ZNF549: variants seen among roughly 807,000 people sequenced by gnomAD.
ZNF549 encodes zinc finger protein 549.
In ZNF549, 11 loss-of-function variants were observed where a neutral mutation model predicts 11.1. The observed-to-expected ratio is 0.99, with a 90% CI of 0.62 to 1.64. ZNF549 has a LOEUF of 1.64. Ranked by LOEUF, ZNF549 falls within the 40% of genes most tolerant of loss-of-function variation. The pLI is 0.00. For synonymous variants in ZNF549, 266 were observed against 269.1 expected (o/e 0.99, Z 0.11); for missense variants, 748 against 765.1 (o/e 0.98, Z 0.26).
chr19:57,533,185 G>A (rs1015169877), intron 2 of ZNF549, among the ~76,000 whole-genome samples: 1 of 152,196 alleles, frequency 6.6e-6, no homozygotes, highest in African/African-American at 2.4e-5. Context: ...CTTTAATAAT[G>A]TGGTGGTGAG....
In ZNF549 at chr19:57,535,284, A is replaced by C. The variant is rs149610232; in HGVS notation, c.199+14A>C. 2.0e-5 allele frequency: 33 copies of C among 1,612,004 alleles called. No homozygotes were observed. In the African/African-American group the frequency reaches 3.6e-4, roughly 18 times the overall value. On this transcript the variant is annotated intron_variant, in intron 3 of 3. Transcript: ENST00000376233. Reference sequence around the variant, plus strand: ...TGGCCTCAGTAGGTAAGATCTCTTAAAACCACACCATCAACCTCTGCTGGA... The same window carrying C: ...TGGCCTCAGTAGGTAAGATCTCTTACAACCACACCATCAACCTCTGCTGGA...
At chr19:57,536,207 G>A (rs564497397) in intron 3 of ZNF549, among the ~76,000 whole-genome samples, 18 of 152,210 alleles carry the variant, frequency 1.2e-4, no homozygotes, top group Middle Eastern at 6.8e-3. Context: ...TCCTCAGCTC[G>A]TGATGGGGTT....
chr19:57,535,037 T>A, intron 2 of ZNF549, 107 bp from the exon 3 acceptor site: 1 of 1,434,640 alleles, frequency 7.0e-7, no homozygotes, highest in Non-Finnish European at 9.5e-7. Context: ...GGAGACACCA[T>A]AAGGACCTGG....
In ZNF549 at chr19:57,527,391, C is replaced by T; in HGVS notation, c.-183C>T. ...CCTGCGAGCGCGTCCGCGGGCTGGGCGTTTCCGGCTCGCTGGGTCCGGGCC... is the reference window on the plus strand; with the variant it reads ...CCTGCGAGCGCGTCCGCGGGCTGGGTGTTTCCGGCTCGCTGGGTCCGGGCC... On this transcript the variant is annotated 5_prime_UTR_variant, in exon 1 of 4. Coordinates refer to ENST00000376233, the MANE Select transcript of ZNF549 (RefSeq NM_001199295.2). The T allele has an allele frequency of 2.5e-6, 2 of 807,868 alleles. No homozygotes were observed. Among genetic ancestry groups the T allele is most frequent in the Non-Finnish European group, 4.0e-6 (2 of 501,508 alleles). 50.0% of individuals were successfully genotyped at this position (807,868 alleles called of 1,614,324 possible).
Position 57,538,772 on chromosome 19 carries a change from T to G in ZNF549, c.1768T>G (p.Cys590Gly), listed in dbSNP as rs201452898. The change falls in exon 4 of 4, where the codon TGT (cysteine) becomes GGT (glycine). Residue 590 changes from cysteine to glycine, a missense_variant. Physicochemically the swap from Cys to Gly is radical, Grantham distance 159. Coordinates refer to ENST00000376233, the MANE Select transcript of ZNF549 (RefSeq NM_001199295.2). The stretch of plus-strand genomic sequence containing the variant: ...AGAGAGGCCTTATAACTGCACTGCA[T>G]GTGAGAAGGCCTTTATCTATAAAAA... ...SGERPYNCTA[C>G]EKAFIYKNKL... The G allele has an allele frequency of 1.5e-5, 24 of 1,614,216 alleles. No individual in the cohort carries two copies. Among genetic ancestry groups the G allele is most frequent in the Non-Finnish European group, 1.7e-5 (20 of 1,180,038 alleles).
rs913170078 is a variant in ZNF549 at position 57,540,113 on chromosome 19, A to G, written c.*1186A>G. The G allele has an allele frequency of 2.0e-5, 3 of 152,362 alleles. No homozygotes were observed. Among genetic ancestry groups the G allele is most frequent in the South Asian group, 4.1e-4 (2 of 4,828 alleles). The allele number at this position is 152,362 out of a possible 1,614,324, so 9.4% of individuals were successfully genotyped here. A position where few individuals can be genotyped will look rare whatever the true frequency, so the allele number is the denominator to read the frequency against. Reference sequence around the variant, plus strand: ...GCAGGAAAGCAGGATTTGAGAGAACATACACCTTGCCTTCCAGATATGTGG... The same window carrying G: ...GCAGGAAAGCAGGATTTGAGAGAACGTACACCTTGCCTTCCAGATATGTGG... On this transcript the variant is annotated 3_prime_UTR_variant, in exon 4 of 4. Transcript: ENST00000376233.
intron 1 of ZNF549, 30 bp from the exon 2 acceptor site, chr19:57,531,040 C>T: frequency 6.3e-7 from 1 of 1,597,496 alleles, no homozygotes. Context: ...CCTTGAACAC[C>T]TGTATTTCAT....
chr19:57,537,662 A>G lies in ZNF549; in HGVS notation c.658A>G (p.Arg220Gly). The G allele has an allele frequency of 6.2e-6, 10 of 1,614,218 alleles. No individual in the cohort carries two copies. The highest frequency in any genetic ancestry group is 8.5e-6 in the Non-Finnish European group (10 of 1,180,028). ...TAGAAGCAGGGAGACCTTTCAACAAAGACGTTACAAATGTGAGCAAGTTTT... is the reference window on the plus strand; with the variant it reads ...TAGAAGCAGGGAGACCTTTCAACAAGGACGTTACAAATGTGAGCAAGTTTT... ...AHRSRETFQQ[R>G]RYKCEQVFNE... is the part of the protein sequence containing the mutation. Residue 220 changes from arginine (R) to glycine (G), a missense_variant, in exon 4 of 4, where the codon AGA (arginine) becomes GGA (glycine). By Grantham distance (125) the Arg-to-Gly change is moderately radical. Coordinates refer to ENST00000376233, the MANE Select transcript of ZNF549 (RefSeq NM_001199295.2).
At position 57,540,685 on chromosome 19, in the gene ZNF549, G is replaced by C. The variant is rs2089952357; in HGVS notation, c.*1758G>C. ...TGAGGCAGGAGAATTGCTTGAACCTGGGGGGCGGAGGTTGCAATGAGCCAA... is the reference window on the plus strand; with the variant it reads ...TGAGGCAGGAGAATTGCTTGAACCTCGGGGGCGGAGGTTGCAATGAGCCAA... On this transcript the variant is annotated 3_prime_UTR_variant, in exon 4 of 4. Transcript: ENST00000376233. 1 of 152,120 alleles carries C rather than the reference G, an allele frequency of 6.6e-6. No individual in the cohort carries two copies. The highest frequency in any genetic ancestry group is 2.4e-5 in the African/African-American group (1 of 41,392). 9.4% of individuals were successfully genotyped at this position (152,120 alleles called of 1,614,324 possible). A position where few individuals can be genotyped will look rare whatever the true frequency, so the allele number is the denominator to read the frequency against.
In ZNF549 at chr19:57,527,362, G is replaced by T; in HGVS notation, c.-212G>T. On this transcript the variant is annotated 5_prime_UTR_variant, in exon 1 of 4. Transcript: ENST00000376233. ...CGTCTTTCCGGTGGTGGTCGTTTTTGCTGCCTGCGAGCGCGTCCGCGGGCT... is the reference window on the plus strand; with the variant it reads ...CGTCTTTCCGGTGGTGGTCGTTTTTTCTGCCTGCGAGCGCGTCCGCGGGCT... 1.4e-4 allele frequency: 87 copies of T among 640,556 alleles called. No individual in the cohort carries two copies. The highest frequency in any genetic ancestry group is 2.3e-4 in the East Asian group (8 of 35,210). 39.7% of individuals were successfully genotyped at this position (640,556 alleles called of 1,614,324 possible). A position where few individuals can be genotyped will look rare whatever the true frequency, so the allele number is the denominator to read the frequency against.
chr19:57,535,066 G>C (rs1181386470), intron 2 of ZNF549, 78 bp from the exon 3 acceptor site: 1 of 1,564,490 alleles, frequency 6.4e-7, no homozygotes, highest in Non-Finnish European at 8.7e-7. Flanking sequence ...CTGAGTTGGA[G>C]AACTAGGGAG....
Position 57,527,430 on chromosome 19 carries a change from C to T in ZNF549, c.-144C>T, listed in dbSNP as rs2089882097. The T allele has an allele frequency of 2.5e-6, 3 of 1,205,166 alleles. No individual in the cohort carries two copies. The highest frequency in any genetic ancestry group is 4.1e-5 in the Admixed American group (2 of 49,374). 74.7% of individuals were successfully genotyped at this position (1,205,166 alleles called of 1,614,324 possible). On this transcript the variant is annotated 5_prime_UTR_variant, in exon 1 of 4. Transcript: ENST00000376233. ...TGGGTCCGGGCCAGGTAACTGGAGC[C>T]GGAAACCGGTGGAGGTGGTGTCCGC...
Position 57,537,237 on chromosome 19 carries a change from C to A in ZNF549, c.233C>A (p.Pro78His). The A allele has an allele frequency of 6.2e-7, 1 of 1,614,142 alleles. No individual in the cohort carries two copies. Among genetic ancestry groups the A allele is most frequent in the Non-Finnish European group, 8.5e-7 (1 of 1,180,002 alleles). Residue 78 changes from proline (P) to histidine (H), a missense_variant, in exon 4 of 4, where the codon CCT becomes CAT. By Grantham distance (77) the Pro-to-His change is moderately conservative. Transcript: ENST00000376233. ...CATGGAATAGAGGCTGAGGAGGCCC[C>A]TTCTGAGCAGACTCTTTCTGCGCAA... is the stretch of plus-strand genomic sequence containing the variant. Reference protein sequence around the residue: ...CLHGIEAEEAPSEQTLSAQGV... With the variant: ...CLHGIEAEEAHSEQTLSAQGV...
At chr19:57,531,342 T>C (rs549805654) in intron 2 of ZNF549, among the ~76,000 whole-genome samples, 1 of 152,226 alleles carries the variant, frequency 6.6e-6, no homozygotes, top group Non-Finnish European at 1.5e-5. Flanking sequence ...GGCGCCAGCA[T>C]GTCCAAATGC....
In ZNF549 at chr19:57,537,275, G is replaced by A; in HGVS notation, c.271G>A (p.Ala91Thr). ...TCTTTCTGCGCAAGGAGTGTCACAG[G>A]CCAGGACTCCAAAGCTAGGTCCTTC... ...QTLSAQGVSQ[A>T]RTPKLGPSIP... Residue 91 changes from alanine to threonine, a missense_variant, in exon 4 of 4, where the codon GCC becomes ACC. Ala to Thr is a moderately conservative substitution (Grantham distance 58, BLOSUM62 0). Transcript: ENST00000376233. 6.2e-7 allele frequency: 1 copy of A among 1,614,196 alleles called. No individual in the cohort carries two copies. Among genetic ancestry groups the A allele is most frequent in the Non-Finnish European group, 8.5e-7 (1 of 1,180,036 alleles).
At position 57,538,199 on chromosome 19, in the gene ZNF549, A is replaced by G. The variant is rs1432487444; in HGVS notation, c.1195A>G (p.Ile399Val). 2 of 1,614,118 alleles carry G rather than the reference A, an allele frequency of 1.2e-6. No homozygotes were observed. The highest frequency in any genetic ancestry group is 1.7e-6 in the Non-Finnish European group (2 of 1,180,010). Residue 399 changes from isoleucine to valine, a missense_variant, in exon 4 of 4, where the codon ATA (isoleucine) becomes GTA (valine). Physicochemically the swap from Ile to Val is conservative, Grantham distance 29. Coordinates refer to ENST00000376233, the MANE Select transcript of ZNF549 (RefSeq NM_001199295.2). Reference sequence around the variant, plus strand: ...GTGCAGTGAATGTGGGAAATCCTTCATATACAAACAGTCACTTCTTGATCA... The same window carrying G: ...GTGCAGTGAATGTGGGAAATCCTTCGTATACAAACAGTCACTTCTTGATCA... The part of the protein sequence containing the change: ...YQCSECGKSF[I>V]YKQSLLDHHR...
At chr19:57,527,892 C>T (rs887029763) in intron 1 of ZNF549, among the ~76,000 whole-genome samples, 1 of 152,174 alleles carries the variant, frequency 6.6e-6, no homozygotes, top group Non-Finnish European at 1.5e-5. Flanking sequence ...GCACGGCTGC[C>T]ATGGCAGCCT....
chr19:57,538,825 C>A lies in ZNF549; in HGVS notation c.1821C>A (p.His607Gln). Residue 607 changes from histidine to glutamine, a missense_variant, in exon 4 of 4, where the codon CAC becomes CAA. Transcript: ENST00000376233. ...AACTTGTTGAGCATCAGCGAATCCA[C>A]ACCGGAGAAAAGCCGTATGAATGTG... ...KNKLVEHQRI[H>Q]TGEKPYECGK... The A allele has an allele frequency of 6.2e-7, 1 of 1,614,148 alleles. No homozygotes were observed. The highest frequency in any genetic ancestry group is 8.5e-7 in the Non-Finnish European group (1 of 1,180,040).
At chr19:57,531,040 C>G in intron 1 of ZNF549, 30 bp from the exon 2 acceptor site, 28 of 1,597,496 alleles carry the variant, frequency 1.8e-5, no homozygotes, top group Non-Finnish European at 2.4e-5. Context: ...CCTTGAACAC[C>G]TGTATTTCAT....
Sources: allele counts gnomAD v4.1 joint callset (sites outside exome capture counted in the v4.1 genomes callset), GRCh38; gene constraint gnomAD v4.1.1; transcripts MANE v1.5; gene names NCBI Gene and HGNC (gene_info 2026-07-23, HGNC 2026-07-21).